The following FAM184A variants were observed in gnomAD, a reference collection of about 807,000 sequenced individuals.
The protein encoded by FAM184A is family with sequence similarity 184 member A.
Under a neutral mutation model 143.8 loss-of-function variants are expected in FAM184A, and 99 were observed. The ratio of observed to expected loss-of-function variants is 0.69; its 90% CI spans 0.58 to 0.81. The LOEUF is 0.81. Among genes scored for constraint, FAM184A ranks in the 40% least tolerant of loss-of-function variants. FAM184A has a pLI of 0.00. For synonymous variants in FAM184A, 427 were observed against 446.4 expected, an observed-to-expected ratio of 0.96 and a Z score of 0.55; for missense variants, 1,217 against 1,310.5, an observed-to-expected ratio of 0.93 and a Z score of 1.10.
intron 6 of FAM184A, 32 bp downstream of exon 6, chr6:119,011,277 T>A: frequency 1.3e-6 from 2 of 1,582,598 alleles, no homozygotes; most frequent in Non-Finnish European, 1.7e-6. Flanking sequence ...TTAAAATCTA[T>A]AACATAGGCA....
chr6:119,041,385 A>G (rs1786322473), intron 1 of FAM184A, among the ~76,000 whole-genome samples: 2 of 152,206 alleles, frequency 1.3e-5, no homozygotes, highest in African/African-American at 2.4e-5. Flanking sequence ...CTTGCAACTT[A>G]GCTCACACTC....
intron 9 of FAM184A, among the ~76,000 whole-genome samples, chr6:118,995,480 C>A (rs1784518307): frequency 1.3e-5 from 2 of 152,162 alleles, no homozygotes; most frequent in South Asian, 2.1e-4. Context: ...CTTCTCAAAG[C>A]AAATTATGTA....
chr6:118,999,441 C>G (rs1290187627), intron 9 of FAM184A, among the ~76,000 whole-genome samples: 1 of 152,164 alleles, frequency 6.6e-6, no homozygotes, highest in Non-Finnish European at 1.5e-5. Flanking sequence ...ATAACCTCTA[C>G]CCAAACTGCC....
chr6:118,992,507 G>C (rs1029298831), intron 9 of FAM184A, among the ~76,000 whole-genome samples: 2 of 152,036 alleles, frequency 1.3e-5, no homozygotes, highest in African/African-American at 4.8e-5. Context: ...GAGCTCCCTT[G>C]GTGCTTTTAC....
chr6:119,024,932 A>C, intron 1 of FAM184A, 119 bp from the exon 2 acceptor site: 1 of 932,268 alleles, frequency 1.1e-6, no homozygotes, highest in Non-Finnish European at 1.6e-6. Context: ...GCTACAGCTA[A>C]TGTTAAATAT....
At chr6:119,103,932 A>G (rs1361158935) in intron 1 of FAM184A, among the ~76,000 whole-genome samples, 1 of 123,018 alleles carries the variant, frequency 8.1e-6, no homozygotes, top group Admixed American at 7.8e-5. Flanking sequence ...TGTAGAGAAA[A>G]AAAAAAAAAA....
intron 1 of FAM184A, among the ~76,000 whole-genome samples, chr6:119,119,576 A>G (rs2114859168): frequency 6.6e-6 from 1 of 152,366 alleles, no homozygotes; most frequent in South Asian, 2.1e-4. Flanking sequence ...AATTGTTAGT[A>G]TATGAACACA....
chr6:118,996,482 C>T (rs1369386143), intron 9 of FAM184A, among the ~76,000 whole-genome samples: 1 of 152,098 alleles, frequency 6.6e-6, no homozygotes, highest in Non-Finnish European at 1.5e-5. Context: ...TTCTAGCTGG[C>T]TTTTCTCTTT....
chr6:119,112,329 T>C (rs1230291758), intron 1 of FAM184A, among the ~76,000 whole-genome samples: 1 of 152,154 alleles, frequency 6.6e-6, no homozygotes, highest in Non-Finnish European at 1.5e-5. Flanking sequence ...GGTTTCTCCA[T>C]GTTGGTCAAG....
chr6:118,972,667 A>C (rs557068171), intron 14 of FAM184A, among the ~76,000 whole-genome samples: 1 of 152,210 alleles, frequency 6.6e-6, no homozygotes, highest in Non-Finnish European at 1.5e-5. Flanking sequence ...AATGTGCAAA[A>C]CCATATGCAA....
intron 1 of FAM184A, among the ~76,000 whole-genome samples, chr6:119,074,527 C>T (rs1787802715): frequency 6.6e-6 from 1 of 151,852 alleles, no homozygotes; most frequent in African/African-American, 2.4e-5. Context: ...TTAAGTTAAC[C>T]CATGAAAGAG....
chr6:119,084,406 A>G (rs1788159714), intron 1 of FAM184A, among the ~76,000 whole-genome samples: 2 of 152,176 alleles, frequency 1.3e-5, no homozygotes, highest in Admixed American at 6.5e-5. Flanking sequence ...AAAGCTCCCA[A>G]ATAATCTCTT....
chr6:118,978,278 G>A (rs2051057), intron 11 of FAM184A, among the ~76,000 whole-genome samples: 86,769 of 151,994 alleles, frequency 0.57, 25,123 homozygotes, highest in East Asian at 0.76. Context: ...AGACATATTT[G>A]AATCATGTTT....
At chr6:119,005,556 CTCATT>C (rs1330778100) in intron 7 of FAM184A, 1 of 152,286 alleles carries the variant, frequency 6.6e-6, no homozygotes, top group African/African-American at 2.4e-5. Context: ...AATGGTTCAT[CTCATT>C]TAATTATTAC....
Position 119,078,472 on chromosome 6 carries a change from A to G in FAM184A, c.-173T>C. On this transcript the variant is annotated 5_prime_UTR_variant, in exon 1 of 18. Transcript: ENST00000338891. The surrounding 1 kb of genome is among the most constrained non-coding windows in gnomAD (Gnocchi z 5.5). ...CCCGCGACCCCCGGGTCACCCCTGG[A>G]AGGGACGGGGCGGTCCCGCCGGCCC... is the stretch of plus-strand genomic sequence containing the variant. 2 of 584,728 alleles carry G rather than the reference A, an allele frequency of 3.4e-6. No homozygotes were observed. The highest frequency in any genetic ancestry group is 5.3e-6 in the Non-Finnish European group (2 of 378,232). 36.2% of individuals were successfully genotyped at this position (584,728 alleles called of 1,614,324 possible).
chr6:119,116,021 C>T (rs1562156603), intron 1 of FAM184A, among the ~76,000 whole-genome samples: 3 of 115,536 alleles, frequency 2.6e-5, no homozygotes, highest in Admixed American at 8.0e-5. Context: ...ACACACACAA[C>T]GAGAGAGAGA....
chr6:118,974,329 C>G, intron 14 of FAM184A, 99 bp downstream of exon 14: 1 of 1,170,750 alleles, frequency 8.5e-7, no homozygotes, highest in Non-Finnish European at 1.2e-6. Context: ...TTTAAAGTAT[C>G]CTTTTTATTA....
At chr6:118,979,600 C>T in intron 10 of FAM184A, 82 bp from the exon 11 acceptor site, 4 of 1,034,440 alleles carry the variant, frequency 3.9e-6, no homozygotes, top group Non-Finnish European at 5.4e-6. Flanking sequence ...TACTAAAACT[C>T]AGTTATTATT....
At chr6:119,055,355 T>C (rs1329752408) in intron 1 of FAM184A, among the ~76,000 whole-genome samples, 2 of 152,220 alleles carry the variant, frequency 1.3e-5, no homozygotes, top group Non-Finnish European at 2.9e-5. Context: ...GCTGCTGTGA[T>C]CGTTTGTATA....
Sources: allele counts gnomAD v4.1 joint callset (sites outside exome capture counted in the v4.1 genomes callset), GRCh38; gene constraint gnomAD v4.1.1; non-coding constraint Gnocchi (gnomAD v3.1); transcripts MANE v1.5; gene names NCBI Gene and HGNC (gene_info 2026-07-23, HGNC 2026-07-21).